Variants in GCNT1 observed in about 807,000 individuals in gnomAD.
GCNT1 encodes beta-1,3-galactosyl-O-glycosyl-glycoprotein beta-1,6-N-acetylglucosaminyltransferase.
GCNT1 carries 16 observed loss-of-function variants against 26.2 expected under a neutral mutation model. The ratio of observed to expected loss-of-function variants is 0.61; its 90% CI spans 0.41 to 0.93. The LOEUF is 0.93. Among genes scored for constraint, GCNT1 ranks in the 40% least tolerant of loss-of-function variants. The pLI is 0.00. For missense variants in GCNT1, 477 were observed against 526.7 expected (o/e 0.91, Z 0.92); for synonymous variants, 183 against 190.8 (o/e 0.96, Z 0.34).
intron 2 of GCNT1, among the ~76,000 whole-genome samples, chr9:76,497,118 A>G (rs1254245508): frequency 6.6e-6 from 1 of 152,234 alleles, no homozygotes; most frequent in Admixed American, 6.5e-5. Flanking sequence ...TTCAGTGAGT[A>G]TGCTTCCTGA....
intron 2 of GCNT1, among the ~76,000 whole-genome samples, chr9:76,462,655 C>G (rs189194004): frequency 9.9e-5 from 15 of 152,278 alleles, no homozygotes; most frequent in African/African-American, 3.4e-4. Flanking sequence ...CTGAGATGGT[C>G]TAAACATTTA....
chr9:76,419,362 A>G (rs1003266690), upstream of GCNT1, among the ~76,000 whole-genome samples: 1 of 152,192 alleles, frequency 6.6e-6, no homozygotes, highest in African/African-American at 2.4e-5. Context: ...GGTAAAATAA[A>G]TGGAAAATAA....
chr9:76,423,559 C>T (rs561156763), intron 1 of GCNT1, among the ~76,000 whole-genome samples: 1 of 152,314 alleles, frequency 6.6e-6, no homozygotes, highest in Middle Eastern at 3.4e-3. Flanking sequence ...CAGACTAAAA[C>T]AGAGGTCAGT....
In GCNT1 at chr9:76,503,630, C is replaced by G; in HGVS notation, c.1249C>G (p.His417Asp). 6.2e-7 allele frequency: 1 copy of G among 1,613,922 alleles called. No individual in the cohort carries two copies. Among genetic ancestry groups the G allele is most frequent in the Non-Finnish European group, 8.5e-7 (1 of 1,179,944 alleles). ...DLFAIQCLDE[H>D]LRHKALETLK... Reference sequence around the variant, plus strand: ...CTTTGCCATCCAGTGTTTGGATGAGCATTTGAGACACAAAGCTTTGGAGAC... The same window carrying G: ...CTTTGCCATCCAGTGTTTGGATGAGGATTTGAGACACAAAGCTTTGGAGAC... The change falls in exon 4 of 4, where the codon CAT (histidine) becomes GAT (aspartate). Residue 417 changes from histidine (H) to aspartate (D), a missense_variant. Coordinates refer to ENST00000376730, the MANE Select transcript of GCNT1 (RefSeq NM_001490.5).
the GCNT1 span, among the ~76,000 whole-genome samples, chr9:76,411,305 G>GT: frequency 1.5e-4 from 22 of 151,474 alleles, no homozygotes; most frequent in East Asian, 1.9e-3. Flanking sequence ...CATTTTGGGG[G>GT]TTTTTTTTGT....
rs1463371831 is a variant in GCNT1 at position 76,504,558 on chromosome 9, G to C, written c.*890G>C. ...GCCAGTAATTAGTGCAGAAAACTAA[G>C]ACAGGATGATACAGGTTTGAGGGGC... On this transcript the variant is annotated 3_prime_UTR_variant, in exon 4 of 4. Transcript: ENST00000376730. The C allele has an allele frequency of 2.7e-5, 11 of 401,252 alleles. No homozygotes were observed. The highest frequency in any genetic ancestry group is 5.0e-5 in the Non-Finnish European group (11 of 218,970). The allele number at this position is 401,252 out of a possible 1,614,324, so 24.9% of individuals were successfully genotyped here. A position where few individuals can be genotyped will look rare whatever the true frequency, so the allele number is the denominator to read the frequency against.
the GCNT1 span, chr9:76,394,442 G>C: frequency 2.6e-6 from 1 of 377,862 alleles, no homozygotes; most frequent in Non-Finnish European, 4.7e-6. Context: ...GTGTGAGCGG[G>C]GTGGGGGGAG....
intron 2 of GCNT1, among the ~76,000 whole-genome samples, chr9:76,485,339 A>AT (rs1469699474): frequency 1.3e-5 from 2 of 151,768 alleles, no homozygotes; most frequent in African/African-American, 2.4e-5. Context: ...CACCCGGCTA[A>AT]TTTTTTGTGT....
chr9:76,490,478 C>G (rs1824702576), intron 2 of GCNT1, among the ~76,000 whole-genome samples: 1 of 152,184 alleles, frequency 6.6e-6, no homozygotes, highest in Non-Finnish European at 1.5e-5. Flanking sequence ...CCTGTGCTGA[C>G]AGACTTGAGC....
At chr9:76,446,838 T>C (rs1324847844) in intron 1 of GCNT1, among the ~76,000 whole-genome samples, 4 of 152,150 alleles carry the variant, frequency 2.6e-5, no homozygotes, top group Non-Finnish European at 5.9e-5. Context: ...TTACATACAT[T>C]AGATGTTAGA....
At chr9:76,460,441 G>C (rs1333254497) in intron 2 of GCNT1, among the ~76,000 whole-genome samples, 1 of 152,186 alleles carries the variant, frequency 6.6e-6, no homozygotes, top group Non-Finnish European at 1.5e-5. Context: ...CTGGCATTCT[G>C]CCCCCCTTCC....
In GCNT1 at chr9:76,504,949, C is replaced by G; in HGVS notation, c.*1281C>G. On this transcript the variant is annotated 3_prime_UTR_variant, in exon 4 of 4. Transcript: ENST00000376730. Reference sequence around the variant, plus strand: ...TGTTTTTGGTATCATTCACAGCATACGATTTTTACTCTCTCCATCTTCACC... The same window carrying G: ...TGTTTTTGGTATCATTCACAGCATAGGATTTTTACTCTCTCCATCTTCACC... 1 of 413,136 alleles carries G rather than the reference C, an allele frequency of 2.4e-6. No individual in the cohort carries two copies. Among genetic ancestry groups the G allele is most frequent in the Non-Finnish European group, 4.4e-6 (1 of 226,080 alleles). 25.6% of individuals were successfully genotyped at this position (413,136 alleles called of 1,614,324 possible).
chr9:76,435,751 A>G (rs1823398559), intron 1 of GCNT1, among the ~76,000 whole-genome samples: 1 of 152,160 alleles, frequency 6.6e-6, no homozygotes, highest in South Asian at 2.1e-4. Context: ...AAATACAGTC[A>G]CATCAGAGGT....
intron 2 of GCNT1, among the ~76,000 whole-genome samples, chr9:76,460,938 C>T (rs1451074389): frequency 6.6e-6 from 1 of 152,224 alleles, no homozygotes; most frequent in Non-Finnish European, 1.5e-5. Flanking sequence ...TTAATGATAG[C>T]AATGCTTCCA....
intron 2 of GCNT1, among the ~76,000 whole-genome samples, chr9:76,498,455 C>T (rs1824967745): frequency 6.6e-6 from 1 of 152,066 alleles, no homozygotes; most frequent in African/African-American, 2.4e-5. Flanking sequence ...ATGATGGTTC[C>T]AATTTGTCCA....
the GCNT1 span, among the ~76,000 whole-genome samples, chr9:76,411,875 T>C: frequency 6.6e-6 from 1 of 151,992 alleles, no homozygotes; most frequent in Non-Finnish European, 1.5e-5. Flanking sequence ...CTAATTTTTG[T>C]ATTTTTAGTA....
intron 2 of GCNT1, among the ~76,000 whole-genome samples, chr9:76,476,928 G>GTTTAGACA (rs993737081): frequency 2.0e-5 from 3 of 151,566 alleles, no homozygotes; most frequent in Non-Finnish European, 4.4e-5. Flanking sequence ...TTATTTATTT[G>GTTTAGACA]TTTAGACAGA....
At chr9:76,411,971 G>T in the GCNT1 span, among the ~76,000 whole-genome samples, 2 of 150,780 alleles carry the variant, frequency 1.3e-5, no homozygotes, top group Non-Finnish European at 1.5e-5. Flanking sequence ...CAAAGTGCTG[G>T]GATTACAGGC....
chr9:76,501,379 G>A (rs1282415271), intron 3 of GCNT1, among the ~76,000 whole-genome samples: 3 of 152,148 alleles, frequency 2.0e-5, no homozygotes, highest in African/African-American at 4.8e-5. Flanking sequence ...AGTGGGTTGT[G>A]TTCCTGGAAT....
Sources: allele counts gnomAD v4.1 joint callset (sites outside exome capture counted in the v4.1 genomes callset), GRCh38; gene constraint gnomAD v4.1.1; transcripts MANE v1.5; gene names NCBI Gene and HGNC (gene_info 2026-07-23, HGNC 2026-07-21).